KLF12: variants seen among roughly 807,000 people sequenced by gnomAD.
KLF12 encodes KLF transcription factor 12, also known as Krueppel-like factor 12.
A neutral mutation model predicts 37.8 loss-of-function variants in KLF12; 9 were observed. That is an observed-to-expected ratio of 0.24 (90% CI 0.14 to 0.42). KLF12 has a LOEUF of 0.42. Among genes scored for constraint, KLF12 ranks in the 10% least tolerant of loss-of-function variants. The pLI, the probability that KLF12 is intolerant of heterozygous loss-of-function variation, is 1.00. For synonymous variants in KLF12, 208 were observed against 202.1 expected, an observed-to-expected ratio of 1.03 and a Z score of -0.25; for missense variants, 411 against 516.0, an observed-to-expected ratio of 0.80 and a Z score of 1.97.
the KLF12 span, among the ~76,000 whole-genome samples, chr13:74,171,238 A>G: frequency 1.3e-5 from 2 of 152,312 alleles, no homozygotes; most frequent in African/African-American, 2.4e-5. Flanking sequence ...GCCTTGCTCA[A>G]AGAGTGAAAC....
chr13:73,748,913 A>G (rs540867248), intron 6 of KLF12, among the ~76,000 whole-genome samples: 1 of 152,168 alleles, frequency 6.6e-6, no homozygotes, highest in East Asian at 1.9e-4. Context: ...TATTCACCCC[A>G]TGTCAGTTTT....
At chr13:74,127,344 T>A (rs1368363725) in intron 1 of KLF12, among the ~76,000 whole-genome samples, 1 of 152,184 alleles carries the variant, frequency 6.6e-6, no homozygotes, top group Non-Finnish European at 1.5e-5. Flanking sequence ...TTTAGCTACT[T>A]AGGGTGGAAA....
intron 1 of KLF12, among the ~76,000 whole-genome samples, chr13:74,105,552 G>A (rs1040959360): frequency 6.6e-6 from 1 of 151,996 alleles, no homozygotes; most frequent in South Asian, 2.1e-4. Flanking sequence ...GTAAGCAAGG[G>A]CATAGACGGG....
chr13:73,812,487 G>C (rs1391452576), intron 5 of KLF12, among the ~76,000 whole-genome samples: 1 of 151,288 alleles, frequency 6.6e-6, no homozygotes, highest in East Asian at 1.9e-4. Context: ...TATACTTTAA[G>C]TATATAAAGT....
chr13:74,135,279 T>G (rs1334941214), upstream of KLF12, among the ~76,000 whole-genome samples: 1 of 151,320 alleles, frequency 6.6e-6, no homozygotes, highest in East Asian at 2.0e-4. Context: ...CTTGGAGGAC[T>G]GGGGCAGAGG....
At chr13:73,911,182 C>G (rs1201577173) in intron 3 of KLF12, among the ~76,000 whole-genome samples, 3 of 152,008 alleles carry the variant, frequency 2.0e-5, no homozygotes, top group Non-Finnish European at 4.4e-5. Context: ...GTGTGCACAT[C>G]AGGACATCTC....
intron 2 of KLF12, among the ~76,000 whole-genome samples, chr13:73,994,659 A>T (rs1172178401): frequency 6.6e-6 from 1 of 152,210 alleles, no homozygotes; most frequent in Non-Finnish European, 1.5e-5. Flanking sequence ...ATTAAAAAAA[A>T]TCTGGCTTCT....
intron 3 of KLF12, among the ~76,000 whole-genome samples, chr13:73,939,911 T>C (rs1890114257): frequency 6.6e-6 from 1 of 152,150 alleles, no homozygotes; most frequent in Non-Finnish European, 1.5e-5. Flanking sequence ...TCTCACCCCT[T>C]GCTCCTCACC....
intron 5 of KLF12, among the ~76,000 whole-genome samples, chr13:73,804,949 G>A (rs539196994): frequency 5.3e-4 from 81 of 152,316 alleles, no homozygotes; most frequent in African/African-American, 1.8e-3. Flanking sequence ...ATTTAACACT[G>A]AAATTAGAAA....
At chr13:73,940,318 G>C (rs1890132470) in intron 3 of KLF12, among the ~76,000 whole-genome samples, 1 of 152,166 alleles carries the variant, frequency 6.6e-6, no homozygotes, top group Non-Finnish European at 1.5e-5. Context: ...GAGGCTGCCA[G>C]CAGCATGTGC....
chr13:74,254,685 A>C, the KLF12 span, among the ~76,000 whole-genome samples: 1 of 152,144 alleles, frequency 6.6e-6, no homozygotes, highest in Non-Finnish European at 1.5e-5. Context: ...GTGTGATGTG[A>C]GGCTCGGAGC....
At chr13:74,158,157 G>A in the KLF12 span, among the ~76,000 whole-genome samples, 1 of 152,324 alleles carries the variant, frequency 6.6e-6, no homozygotes, top group East Asian at 1.9e-4. Flanking sequence ...AGGGCTTCAG[G>A]GGAAGGCCCT....
the KLF12 span, among the ~76,000 whole-genome samples, chr13:74,187,676 C>T: frequency 3.3e-5 from 5 of 152,196 alleles, no homozygotes; most frequent in South Asian, 6.2e-4. Flanking sequence ...TTGATTTGCC[C>T]TAGGGATGAC....
At chr13:73,899,447 T>C (rs936430346) in intron 3 of KLF12, among the ~76,000 whole-genome samples, 2 of 152,242 alleles carry the variant, frequency 1.3e-5, no homozygotes, top group East Asian at 3.9e-4. Context: ...AAAAACAGAA[T>C]ATATATTCCC....
intron 1 of KLF12, among the ~76,000 whole-genome samples, chr13:74,084,659 C>A (rs1875150292): frequency 6.6e-6 from 1 of 152,120 alleles, no homozygotes; most frequent in African/African-American, 2.4e-5. Flanking sequence ...AACAGTGTTC[C>A]GTTTGAGCTT....
intron 7 of KLF12, among the ~76,000 whole-genome samples, chr13:73,703,231 T>C (rs1344131438): frequency 6.6e-6 from 1 of 152,190 alleles, no homozygotes; most frequent in Non-Finnish European, 1.5e-5. Flanking sequence ...ATAAAGGATA[T>C]TTTATATTTA....
chr13:73,827,307 A>C (rs1883903640), intron 4 of KLF12, among the ~76,000 whole-genome samples: 1 of 152,162 alleles, frequency 6.6e-6, no homozygotes, highest in African/African-American at 2.4e-5. Flanking sequence ...GCCCATATCA[A>C]TTTTACCAAA....
intron 1 of KLF12, among the ~76,000 whole-genome samples, chr13:74,008,712 G>A (rs913000500): frequency 2.0e-5 from 3 of 152,154 alleles, no homozygotes; most frequent in African/African-American, 2.4e-5. Context: ...TAATAAAGTT[G>A]TGGATCCTAT....
At chr13:73,966,352 T>C (rs1383220370) in intron 2 of KLF12, among the ~76,000 whole-genome samples, 1 of 151,816 alleles carries the variant, frequency 6.6e-6, no homozygotes, top group Non-Finnish European at 1.5e-5. Context: ...GAGTCTATAA[T>C]GAACATGAAT....
Sources: gnomAD v4.1 joint callset for allele counts (sites outside exome capture counted in the v4.1 genomes callset) on GRCh38, gnomAD v4.1.1 for gene constraint, MANE v1.5 for transcripts, NCBI Gene and HGNC (gene_info 2026-07-23, HGNC 2026-07-21) for gene names.